The following RDX variants were observed in gnomAD, a reference collection of about 807,000 sequenced individuals.
RDX encodes deafness, autosomal recessive 24.
A neutral mutation model predicts 83.7 loss-of-function variants in RDX; 32 were observed. The ratio of observed to expected loss-of-function variants is 0.38; its 90% CI spans 0.29 to 0.51. The LOEUF is 0.51. Ranked by LOEUF, RDX falls within the 20% of genes least tolerant of loss-of-function variation. RDX has a pLI of 0.87. For missense variants in RDX, 600 were observed against 689.9 expected (o/e 0.87, Z 1.46); for synonymous variants, 229 against 222.7 (o/e 1.03, Z -0.25).
chr11:110,277,673 C>CT (rs778474382), intron 2 of RDX, among the ~76,000 whole-genome samples: 2 of 149,720 alleles, frequency 1.3e-5, no homozygotes, highest in Non-Finnish European at 3.0e-5. Context: ...ATATTTTGTC[C>CT]ACTAAAAAAA....
chr11:110,187,799 T>C (rs1565281541), intron 15 of RDX, among the ~76,000 whole-genome samples: 1 of 152,248 alleles, frequency 6.6e-6, no homozygotes. Context: ...GTTCGGACCA[T>C]GGTGCACTGC....
chr11:110,293,659 CT>C (rs1268427705), intron 1 of RDX, among the ~76,000 whole-genome samples: 1 of 152,202 alleles, frequency 6.6e-6, no homozygotes, highest in Non-Finnish European at 1.5e-5. Flanking sequence ...TCCACTGAAT[CT>C]TGTACCCCAG....
At chr11:110,257,326 A>C (rs989607217) in intron 7 of RDX, among the ~76,000 whole-genome samples, 1 of 152,074 alleles carries the variant, frequency 6.6e-6, no homozygotes, top group Non-Finnish European at 1.5e-5. Context: ...CTATATATAA[A>C]TGTTCAAAAA....
At chr11:110,272,682 A>G in intron 2 of RDX, 63 bp from the exon 3 acceptor site, 2 of 1,101,542 alleles carry the variant, frequency 1.8e-6, no homozygotes, top group Non-Finnish European at 2.7e-6. Flanking sequence ...GAAAACTTTT[A>G]TGATTTTCTT....
intron 15 of RDX, among the ~76,000 whole-genome samples, chr11:110,182,046 A>C (rs943209659): frequency 6.6e-6 from 1 of 152,122 alleles, no homozygotes; most frequent in Non-Finnish European, 1.5e-5. Flanking sequence ...CAGGGCCAGC[A>C]CAAGAGAAGG....
chr11:110,228,550 T>C (rs1317916267), downstream of RDX, among the ~76,000 whole-genome samples: 1 of 152,078 alleles, frequency 6.6e-6, no homozygotes. Flanking sequence ...AGTAATCCCT[T>C]AGACTTTAGT....
chr11:110,220,619 C>A (rs1864210028), intron 14 of RDX, among the ~76,000 whole-genome samples: 2 of 152,180 alleles, frequency 1.3e-5, no homozygotes, highest in South Asian at 4.1e-4. Context: ...CTGCCTCAGC[C>A]TCCTGAGTAG....
chr11:110,206,270 A>C (rs1004013419), intron 14 of RDX, among the ~76,000 whole-genome samples: 1 of 151,266 alleles, frequency 6.6e-6, no homozygotes, highest in African/African-American at 2.4e-5. Flanking sequence ...AAAAAAAAAA[A>C]AAAAATACTG....
chr11:110,220,108 C>T (rs908955854), intron 14 of RDX, among the ~76,000 whole-genome samples: 60 of 152,266 alleles, frequency 3.9e-4, no homozygotes, highest in Non-Finnish European at 7.2e-4. Context: ...TTTGTATAGG[C>T]CTGGCACACA....
chr11:110,192,785 G>C (rs12802299), intron 15 of RDX, among the ~76,000 whole-genome samples: 3,894 of 152,098 alleles, frequency 0.026, 73 homozygotes, highest in South Asian at 0.039. Context: ...CTAATTACCA[G>C]AGAAATGCAA....
In RDX at chr11:110,208,309, C is replaced by A. The variant is rs116857818; in HGVS notation, c.1749-8631G>T. Among the ~76,000 whole-genome samples, 475 of 152,298 alleles carry A rather than the reference C, an allele frequency of 3.1e-3. 1 individual carries two copies. Among genetic ancestry groups the A allele is most frequent in the Admixed American group, 5.9e-3 (90 of 15,286 alleles). ...GTAGCGTTCTCCTCTGGCATTTATT[C>A]GGGAGGTTAACTCAAACTATAAGCC... On this transcript the variant is annotated intron_variant, in intron 14 of 15. Coordinates refer to the RDX transcript ENST00000528498.
In RDX at chr11:110,231,268, A is replaced by G. The variant is rs1250768690; in HGVS notation, c.*601T>C. 2.6e-5 allele frequency: 4 copies of G among 152,770 alleles called. No individual in the cohort carries two copies. The highest frequency in any genetic ancestry group is 5.8e-5 in the Non-Finnish European group (4 of 68,472). The allele number at this position is 152,770 out of a possible 1,614,324, so 9.5% of individuals were successfully genotyped here. The stretch of plus-strand genomic sequence containing the variant: ...AATTTAGATTAAAAAAAAACTAAGC[A>G]CCAGCTGTACATACATTATTAAATG... On this transcript the variant is annotated 3_prime_UTR_variant, in exon 14 of 14. Coordinates refer to ENST00000645495, the MANE Select transcript of RDX (RefSeq NM_002906.4).
intron 11 of RDX, 36 bp from the exon 12 acceptor site, chr11:110,236,227 CAT>C (rs764574089): frequency 1.4e-5 from 21 of 1,487,680 alleles, no homozygotes; most frequent in Admixed American, 1.0e-4. Context: ...ATTAAAATAA[CAT>C]ATTTTGAATA....
chr11:110,204,610 G>A (rs1380907955), intron 14 of RDX, among the ~76,000 whole-genome samples: 2 of 148,240 alleles, frequency 1.3e-5, no homozygotes, highest in South Asian at 2.2e-4. Context: ...TCCGCCTCCC[G>A]GGTTCAAGCG....
At chr11:110,246,028 G>GCAT (rs1859093756) in intron 10 of RDX, among the ~76,000 whole-genome samples, 1 of 152,124 alleles carries the variant, frequency 6.6e-6, no homozygotes, top group African/African-American at 2.4e-5. Context: ...CTCCTGAGTA[G>GCAT]CTGATACAAC....
At chr11:110,264,715 C>A in intron 4 of RDX, 64 bp downstream of exon 4, 1 of 1,220,600 alleles carries the variant, frequency 8.2e-7, no homozygotes, top group South Asian at 1.3e-5. Context: ...TTAGCTTTTC[C>A]AGCACAAATT....
rs184864639 is a variant in RDX, at chr11:110,289,735, G to A, written c.-65+6732C>T. Among the ~76,000 whole-genome samples, 38 of 150,926 alleles carry A rather than the reference G, an allele frequency of 2.5e-4. 1 individual carries two copies. In the South Asian group the frequency reaches 5.0e-3, roughly 20 times the overall value. ...AGTTCAAGACCAGCCTAGCCAACACGGCGAAACTCCGTCTCTACTAAAAAT... is the reference window on the plus strand; with the variant it reads ...AGTTCAAGACCAGCCTAGCCAACACAGCGAAACTCCGTCTCTACTAAAAAT... On this transcript the variant is annotated intron_variant, in intron 1 of 13. Coordinates refer to ENST00000645495, the MANE Select transcript of RDX (RefSeq NM_002906.4).
At chr11:110,259,881 T>A (rs780056942) in intron 5 of RDX, among the ~76,000 whole-genome samples, 6 of 152,160 alleles carry the variant, frequency 3.9e-5, no homozygotes, top group Non-Finnish European at 8.8e-5. Context: ...CTTTCTTTTA[T>A]GGACTGTCCA....
intron 14 of RDX, among the ~76,000 whole-genome samples, chr11:110,220,715 C>T (rs970835496): frequency 6.6e-6 from 1 of 151,986 alleles, no homozygotes; most frequent in African/African-American, 2.4e-5. Context: ...CCAGGCTGGT[C>T]TCGAACTCCT....
Sources: gnomAD v4.1 joint callset for allele counts (sites outside exome capture counted in the v4.1 genomes callset) on GRCh38, gnomAD v4.1.1 for gene constraint, MANE v1.5 for transcripts, NCBI Gene and HGNC (gene_info 2026-07-23, HGNC 2026-07-21) for gene names.